The following GCN1 variants were observed in gnomAD, a reference collection of about 807,000 sequenced individuals.
GCN1 encodes GCN1 activator of EIF2AK4.
GCN1 carries 90 observed loss-of-function variants against 288.4 expected under a neutral mutation model. The ratio of observed to expected loss-of-function variants is 0.31; its 90% CI spans 0.26 to 0.37. The LOEUF is 0.37. Ranked by LOEUF, GCN1 falls within the 10% of genes least tolerant of loss-of-function variation. GCN1 has a pLI of 1.00. For missense variants in GCN1, 2,586 were observed against 3,419.9 expected, an observed-to-expected ratio of 0.76 and a Z score of 6.08; for synonymous variants, 1,386 against 1,420.2, an observed-to-expected ratio of 0.98 and a Z score of 0.54.
At chr12:120,151,990 G>A (rs184702298) in intron 33 of GCN1, among the ~76,000 whole-genome samples, 353 of 152,244 alleles carry the variant, frequency 2.3e-3, no homozygotes, top group African/African-American at 7.8e-3. Flanking sequence ...TTGGAAACTG[G>A]TTTTCAACTG....
At chr12:120,180,882 C>T (rs1400660447) in intron 5 of GCN1, among the ~76,000 whole-genome samples, 3 of 150,996 alleles carry the variant, frequency 2.0e-5, no homozygotes, top group African/African-American at 4.9e-5. Context: ...CCCAGCTACT[C>T]GGGAGGCTGA....
At chr12:120,168,793 A>G (rs80096891) in intron 15 of GCN1, among the ~76,000 whole-genome samples, 2,912 of 152,194 alleles carry the variant, frequency 0.019, 59 homozygotes, top group Non-Finnish European at 0.029. Flanking sequence ...AGCTACGGAT[A>G]TATTTCTGTA....
At chr12:120,192,277 C>T (rs1879026681) in intron 1 of GCN1, among the ~76,000 whole-genome samples, 1 of 152,220 alleles carries the variant, frequency 6.6e-6, no homozygotes. Flanking sequence ...CCCAATTAGG[C>T]ATGTGATCCT....
chr12:120,163,572 G>T (rs1455453088), intron 18 of GCN1, among the ~76,000 whole-genome samples: 1 of 152,162 alleles, frequency 6.6e-6, no homozygotes, highest in Non-Finnish European at 1.5e-5. Context: ...GCTTTGGGAG[G>T]GAGGGAAGCA....
At chr12:120,194,393 T>G (rs1480851515) in intron 1 of GCN1, among the ~76,000 whole-genome samples, 1 of 152,136 alleles carries the variant, frequency 6.6e-6, no homozygotes, top group Non-Finnish European at 1.5e-5. Flanking sequence ...AGAGGCTCGG[T>G]AAAGTGAACT....
chr12:120,134,478 C>T lies in GCN1; in HGVS notation c.7202+55G>A, dbSNP rs1876932829. ...CCCCTCCTGCCAGCGCAGGCTCGGC[C>T]CACAGCAACCCCTGGCCTCCTGGAG... On this transcript the variant is annotated intron_variant, in intron 52 of 57. Coordinates refer to ENST00000300648, the MANE Select transcript of GCN1 (RefSeq NM_006836.2). This position sits in a 1 kb window ranked among gnomAD's most constrained non-coding sequence, Gnocchi z 5.0. The T allele has an allele frequency of 6.3e-7, 1 of 1,598,556 alleles. No homozygotes were observed. Among genetic ancestry groups the T allele is most frequent in the South Asian group, 1.1e-5 (1 of 90,724 alleles).
In GCN1 at chr12:120,142,434, G is replaced by T. The variant is rs1222421693; in HGVS notation, c.5829+73C>A. The stretch of plus-strand genomic sequence containing the variant: ...GTGGATGGGTACTTTCCCAGGCTCT[G>T]CAGACCCAGCCTTCTAGGCTCTGAA... On this transcript the variant is annotated intron_variant, in intron 44 of 57. Coordinates refer to ENST00000300648, the MANE Select transcript of GCN1 (RefSeq NM_006836.2). This position sits in a 1 kb window ranked among gnomAD's most constrained non-coding sequence, Gnocchi z 4.9. 11 of 1,110,068 alleles carry T rather than the reference G, an allele frequency of 9.9e-6. No homozygotes were observed. Among genetic ancestry groups the T allele is most frequent in the Non-Finnish European group, 1.4e-5 (10 of 727,072 alleles). The allele number at this position is 1,110,068 out of a possible 1,614,324, so 68.8% of individuals were successfully genotyped here.
chr12:120,177,683 C>A lies in GCN1; in HGVS notation c.729+1G>T. On this transcript the variant is annotated splice_donor_variant, in intron 8 of 57. Coordinates refer to ENST00000300648, the MANE Select transcript of GCN1 (RefSeq NM_006836.2). LOFTEE classifies it high-confidence loss of function. ...GTGAGTAACGTCCACCTCTCGCTCA[C>A]CAACAGGTACTTCGGAGGCTTGACT... 5 of 1,610,972 alleles carry A rather than the reference C, an allele frequency of 3.1e-6. No individual in the cohort carries two copies. The highest frequency in any genetic ancestry group is 3.4e-6 in the Non-Finnish European group (4 of 1,177,070).
rs770767807 is a variant in GCN1 at position 120,138,019 on chromosome 12, C to T, written c.6275G>A (p.Arg2092Gln). Reference sequence around the variant, plus strand: ...CACTGACGAAAGGAAAGCCAGCACCCGGGTGTTGACAGGTGGCGTTGTCAG... The same window carrying T: ...CACTGACGAAAGGAAAGCCAGCACCTGGGTGTTGACAGGTGGCGTTGTCAG... ...PKLTTPPVNT[R>Q]VLAFLSSVAG... The change falls in exon 48 of 58, where the codon CGG (arginine) becomes CAG (glutamine). Residue 2092 changes from arginine (R) to glutamine (Q), a missense_variant. Physicochemically the swap from Arg to Gln is conservative, Grantham distance 43. This residue lies in a region of GCN1 where 437 missense variants were observed against 570.5 expected (regional missense o/e 0.77). Coordinates refer to ENST00000300648, the MANE Select transcript of GCN1 (RefSeq NM_006836.2). 3.1e-6 allele frequency: 5 copies of T among 1,613,606 alleles called. No individual in the cohort carries two copies. In the East Asian group the frequency reaches 6.7e-5, roughly 22 times the overall value.
In GCN1 at chr12:120,144,405, C is replaced by T. The variant is rs111450449; in HGVS notation, c.5396G>A (p.Arg1799His). 1.1e-4 allele frequency: 185 copies of T among 1,614,172 alleles called. No individual in the cohort carries two copies. The African/African-American group carries it at 2.1e-3, about 18-fold the overall frequency. Residue 1799 changes from arginine (R) to histidine (H), a missense_variant, in exon 42 of 58, where the codon CGC (arginine) becomes CAC (histidine). This residue lies in a region of GCN1 where 371 missense variants were observed against 572.6 expected (regional missense o/e 0.65). Coordinates refer to ENST00000300648, the MANE Select transcript of GCN1 (RefSeq NM_006836.2). This position sits in a 1 kb window ranked among gnomAD's most constrained non-coding sequence, Gnocchi z 4.7. ...ENEFVRDTAL[R>H]AGQRVISMYA... ...CATGGAGATAACCCGCTGGCCCGCGCGCAGGGCGGTGTCACGCACAAACTC... is the reference window on the plus strand; with the variant it reads ...CATGGAGATAACCCGCTGGCCCGCGTGCAGGGCGGTGTCACGCACAAACTC...
chr12:120,164,861 GC>G, intron 16 of GCN1, 140 bp from the exon 17 acceptor site: 1 of 514,278 alleles, frequency 1.9e-6, no homozygotes, highest in African/African-American at 2.0e-5. Context: ...TGAAATTACA[GC>G]TTGTTTTTTT....
intron 3 of GCN1, 89 bp downstream of exon 3, chr12:120,184,735 G>A: frequency 1.0e-6 from 1 of 960,276 alleles, no homozygotes; most frequent in East Asian, 2.4e-5. Context: ...GCACCAGGCA[G>A]TCTGGCTCTA....
rs756779032 is a variant in GCN1, at chr12:120,155,524, C to T, written c.3440+68G>A. On this transcript the variant is annotated intron_variant, in intron 29 of 57. Transcript: ENST00000300648. The surrounding 1 kb of genome is among the most constrained non-coding windows in gnomAD (Gnocchi z 4.9). ...TTCTTCCCACTGGAGGCTGAGCACA[C>T]TGGGTTCAGTTATTTCCTAAAGGAA... 4 of 1,605,042 alleles carry T rather than the reference C, an allele frequency of 2.5e-6. No homozygotes were observed. The South Asian group carries it at 3.3e-5, about 13-fold the overall frequency.
chr12:120,193,034 C>T (rs1219769789), intron 1 of GCN1, among the ~76,000 whole-genome samples: 1 of 151,834 alleles, frequency 6.6e-6, no homozygotes, highest in Non-Finnish European at 1.5e-5. Flanking sequence ...GAAACTCCGT[C>T]TCAAAAAATA....
chr12:120,171,897 T>C (rs1343195692), intron 14 of GCN1, among the ~76,000 whole-genome samples: 2 of 152,244 alleles, frequency 1.3e-5, no homozygotes, highest in African/African-American at 4.8e-5. Context: ...AGACTTTTTA[T>C]ATAATTTTTG....
intron 10 of GCN1, 106 bp downstream of exon 10, chr12:120,176,037 C>T: frequency 8.0e-7 from 1 of 1,249,224 alleles, no homozygotes; most frequent in African/African-American, 1.5e-5. Context: ...AGGTTAGGGC[C>T]TTATTACTAC....
chr12:120,132,288 T>C lies in GCN1; in HGVS notation c.7318-266A>G, dbSNP rs59207263. On this transcript the variant is annotated intron_variant, in intron 53 of 57. Coordinates refer to ENST00000300648, the MANE Select transcript of GCN1 (RefSeq NM_006836.2). ...TGTGTATGCATATGGTAATCATCCT[T>C]GTAATAGCAGTAATAACTGTATTTA... Among the ~76,000 whole-genome samples, 371 of 143,308 alleles carry C rather than the reference T, an allele frequency of 2.6e-3. 3 individuals are homozygous for C. The highest frequency in any genetic ancestry group is 8.3e-3 in the African/African-American group (343 of 41,242). The allele number at this position is 143,308 out of a possible 152,430, so 94.0% of individuals were successfully genotyped here.
chr12:120,173,916 A>AG, intron 13 of GCN1, 90 bp from the exon 14 acceptor site: 1 of 1,147,776 alleles, frequency 8.7e-7, no homozygotes, highest in Non-Finnish European at 1.3e-6. Context: ...CCAGAGTACA[A>AG]GCGGGAGGAA....
Position 120,151,249 on chromosome 12 carries a change from G to A in GCN1, c.4205C>T (p.Ala1402Val), listed in dbSNP as rs769316939. 7.4e-6 allele frequency: 12 copies of A among 1,613,996 alleles called. No individual in the cohort carries two copies. Among genetic ancestry groups the A allele is most frequent in the East Asian group, 2.2e-5 (1 of 44,896 alleles). Reference sequence around the variant, plus strand: ...GATGCCCAGGCCCTTCACCAGGCCCGCCAGGCCATAGGCGGCCCCTTTGCG... The same window carrying A: ...GATGCCCAGGCCCTTCACCAGGCCCACCAGGCCATAGGCGGCCCCTTTGCG... ...AERKGAAYGL[A>V]GLVKGLGILS... The change falls in exon 34 of 58, where the codon GCG becomes GTG. Residue 1402 changes from alanine (A) to valine (V), a missense_variant. Around this residue, in one of 8 missense-constraint regions of GCN1, gnomAD observed 371 missense variants for 572.6 expected, o/e 0.65. Transcript: ENST00000300648.
Sources: allele counts gnomAD v4.1 joint callset (sites outside exome capture counted in the v4.1 genomes callset), GRCh38; gene constraint gnomAD v4.1.1; regional missense constraint gnomAD v4.1.1; non-coding constraint Gnocchi (gnomAD v3.1); transcripts MANE v1.5; gene names NCBI Gene and HGNC (gene_info 2026-07-23, HGNC 2026-07-21).